The following ADAMTS9 variants were observed in gnomAD, a reference collection of about 807,000 sequenced individuals.
ADAMTS9 encodes A disintegrin and metalloproteinase with thrombospondin motifs 9.
A neutral mutation model predicts 257.1 loss-of-function variants in ADAMTS9; 107 were observed. That is an observed-to-expected ratio of 0.42 (90% CI 0.36 to 0.49). ADAMTS9 has a LOEUF of 0.49. ADAMTS9 is among the 20% of genes least tolerant of loss of function. The pLI is 0.03. For missense variants in ADAMTS9, 2,353 were observed against 2,469.1 expected, an observed-to-expected ratio of 0.95 and a Z score of 1.00; for synonymous variants, 982 against 880.9, an observed-to-expected ratio of 1.11 and a Z score of -2.03.
intron 28 of ADAMTS9, among the ~76,000 whole-genome samples, chr3:64,582,157 A>C (rs958316104): frequency 7.9e-5 from 12 of 152,110 alleles, no homozygotes; most frequent in African/African-American, 2.9e-4. Flanking sequence ...AATATATAGC[A>C]TTTGCCATCT....
intron 26 of ADAMTS9, among the ~76,000 whole-genome samples, chr3:64,598,814 T>C (rs2084408816): frequency 6.6e-6 from 1 of 152,140 alleles, no homozygotes; most frequent in Admixed American, 6.5e-5. Context: ...CATTCCTTTA[T>C]TATGTCACCT....
chr3:64,610,175 G>A (rs964033178), intron 22 of ADAMTS9, among the ~76,000 whole-genome samples: 1 of 152,164 alleles, frequency 6.6e-6, no homozygotes, highest in African/African-American at 2.4e-5. Context: ...TTTAAAAAAT[G>A]GCAGAAAAAC....
At position 64,541,912 on chromosome 3, in the gene ADAMTS9, T is replaced by A; in HGVS notation, c.5123A>T (p.Glu1708Val). 1 of 1,614,168 alleles carries A rather than the reference T, an allele frequency of 6.2e-7. No individual in the cohort carries two copies. The highest frequency in any genetic ancestry group is 8.5e-7 in the Non-Finnish European group (1 of 1,180,004). Residue 1708 changes from glutamate to valine, a missense_variant, in exon 33 of 40, where the codon GAG (glutamate) becomes GTG (valine). This residue lies in a region of ADAMTS9 where 1,402 missense variants were observed against 1,441.4 expected (regional missense o/e 0.97). Transcript: ENST00000498707. ...GTGGCATAAGTGGCTGGGTTGGTCCTCATTGGTTAAACATTGCACAGATCT... is the reference window on the plus strand; with the variant it reads ...GTGGCATAAGTGGCTGGGTTGGTCCACATTGGTTAAACATTGCACAGATCT... ...MQRSVQCLTN[E>V]DQPSHLCHTD...
intron 2 of ADAMTS9, among the ~76,000 whole-genome samples, chr3:64,681,649 A>C (rs765520081): frequency 6.6e-6 from 1 of 151,982 alleles, no homozygotes; most frequent in African/African-American, 2.4e-5. Context: ...GCTCAAGCAA[A>C]CCCCCCACCT....
rs945425300 is a variant in ADAMTS9, at chr3:64,536,628, T to G, written c.5613+2575A>C. On this transcript the variant is annotated intron_variant, in intron 37 of 39. Transcript: ENST00000498707. The stretch of plus-strand genomic sequence containing the variant: ...CTCTACTGAGCGGCAGCTGTGTAGG[T>G]TTGGGCAAATCCTCCCAATTTCTAC... 1.4e-4 allele frequency among the ~76,000 whole-genome samples: 21 copies of G among 152,224 alleles called. 1 individual carries two copies. Among genetic ancestry groups the G allele is most frequent in the Admixed American group, 7.2e-4 (11 of 15,284 alleles).
intron 30 of ADAMTS9, among the ~76,000 whole-genome samples, chr3:64,556,885 T>A (rs1300933766): frequency 6.6e-6 from 1 of 152,164 alleles, no homozygotes; most frequent in South Asian, 2.1e-4. Flanking sequence ...ATTCACAGAT[T>A]CATTCATTTA....
chr3:64,561,373 A>G (rs889278271), intron 30 of ADAMTS9: 11 of 424,016 alleles, frequency 2.6e-5, no homozygotes, highest in East Asian at 7.4e-5. Flanking sequence ...AGGAATACAG[A>G]CAGACGTAGG....
intron 31 of ADAMTS9, among the ~76,000 whole-genome samples, chr3:64,549,533 G>A (rs1165555492): frequency 6.6e-6 from 1 of 152,060 alleles, no homozygotes; most frequent in African/African-American, 2.4e-5. Context: ...AATCAATGTC[G>A]TAAAGATCAG....
chr3:64,591,327 C>G (rs909785597), intron 28 of ADAMTS9, among the ~76,000 whole-genome samples: 5 of 151,870 alleles, frequency 3.3e-5, no homozygotes, highest in African/African-American at 7.3e-5. Context: ...ATAATCCCGG[C>G]TACTTGGGAG....
At chr3:64,583,367 A>C (rs1204792333) in intron 28 of ADAMTS9, 1 of 152,172 alleles carries the variant, frequency 6.6e-6, no homozygotes, top group East Asian at 1.9e-4. Flanking sequence ...GGCTCCCTGG[A>C]ATCTCACCTA....
In ADAMTS9 at chr3:64,649,766, G is replaced by T. The variant is rs1240795796; in HGVS notation, c.1476C>A (p.Gly492=). Residue 492 remains glycine, a synonymous_variant, in exon 10 of 40, where the codon GGC becomes GGA. Transcript: ENST00000498707. ...ATTCAGGTTCGTTAAGCAAACACTC[G>T]CCATAACCAGTGCTACGGAAACACA... The part of the protein sequence containing the change: ...YITEFLDTGY[G]ECLLNEPESR... The T allele has an allele frequency of 6.2e-7, 1 of 1,613,262 alleles. No homozygotes were observed. Among genetic ancestry groups the T allele is most frequent in the Non-Finnish European group, 8.5e-7 (1 of 1,179,726 alleles).
chr3:64,662,983 T>C (rs1340552500), intron 3 of ADAMTS9, among the ~76,000 whole-genome samples: 1 of 152,144 alleles, frequency 6.6e-6, no homozygotes, highest in Non-Finnish European at 1.5e-5. Flanking sequence ...GAAAGATATA[T>C]GTTTAGACTT....
chr3:64,642,848 C>G (rs933735946), intron 11 of ADAMTS9, among the ~76,000 whole-genome samples: 3 of 152,052 alleles, frequency 2.0e-5, no homozygotes, highest in Non-Finnish European at 4.4e-5. Context: ...AGGGAGGACA[C>G]AGCCACCAAG....
chr3:64,623,455 G>A (rs1700155592), intron 16 of ADAMTS9, among the ~76,000 whole-genome samples: 1 of 152,160 alleles, frequency 6.6e-6, no homozygotes, highest in Non-Finnish European at 1.5e-5. Flanking sequence ...TGAGTCTTCA[G>A]ATAATACTAC....
intron 38 of ADAMTS9, among the ~76,000 whole-genome samples, chr3:64,530,702 T>C (rs773410850): frequency 1.3e-4 from 20 of 152,178 alleles, no homozygotes; most frequent in Admixed American, 6.5e-5. Flanking sequence ...AGTAACTATC[T>C]AACGAATAAA....
intron 3 of ADAMTS9, among the ~76,000 whole-genome samples, chr3:64,659,473 CAAAA>C (rs60660621): frequency 1.5e-4 from 14 of 90,658 alleles, no homozygotes; most frequent in African/African-American, 5.3e-4. Context: ...CTGTCTCAAA[CAAAA>C]AAAAAAAAAA....
Position 64,607,042 on chromosome 3 carries a change from G to A in ADAMTS9, c.3392C>T (p.Ala1131Val), listed in dbSNP as rs2084568511. 1 of 1,613,796 alleles carries A rather than the reference G, an allele frequency of 6.2e-7. No homozygotes were observed. Residue 1131 changes from alanine (A) to valine (V), a missense_variant, in exon 23 of 40, where the codon GCA (alanine) becomes GTA (valine). This residue lies in a region of ADAMTS9 where 1,402 missense variants were observed against 1,441.4 expected (regional missense o/e 0.97). Transcript: ENST00000498707. ...VTCGQGYQLR[A>V]VKCIIGTYMS... ...ATAAGTCCCAATGATGCATTTCACT[G>A]CTCTTAGCTGGTATCCCTGTCCACA...
intron 22 of ADAMTS9, among the ~76,000 whole-genome samples, chr3:64,610,759 T>C (rs2106831155): frequency 6.6e-6 from 1 of 152,176 alleles, no homozygotes; most frequent in South Asian, 2.1e-4. Flanking sequence ...GCGGTTGCTG[T>C]AGAACATCAT....
chr3:64,575,059 A>C (rs2083801292), intron 28 of ADAMTS9, among the ~76,000 whole-genome samples: 1 of 152,142 alleles, frequency 6.6e-6, no homozygotes. Context: ...AAGCTACCCT[A>C]CTTTTCTCTT....
Sources: allele counts gnomAD v4.1 joint callset (sites outside exome capture counted in the v4.1 genomes callset), GRCh38; gene constraint gnomAD v4.1.1; regional missense constraint gnomAD v4.1.1; transcripts MANE v1.5; gene names NCBI Gene and HGNC (gene_info 2026-07-23, HGNC 2026-07-21).